Variants in CR1L observed in about 807,000 individuals in gnomAD.
CR1L encodes complement C3b/C4b receptor 1 like.
In CR1L, 59 loss-of-function variants were observed where a neutral mutation model predicts 62.3. The observed-to-expected ratio is 0.95, with a 90% CI of 0.77 to 1.18. The LOEUF (loss-of-function observed/expected upper bound fraction) is 1.18. CR1L is among the 50% of genes most tolerant of loss of function. The probability of loss-of-function intolerance (pLI) is 0.00; values close to 1 mark genes in which losing one functional copy is unlikely to be tolerated. For synonymous variants in CR1L, 279 were observed against 248.7 expected (o/e 1.12, Z -1.15); for missense variants, 700 against 702.8 (o/e 1.00, Z 0.04).
At chr1:207,683,746 C>A in intron 3 of CR1L, 126 bp from the exon 4 acceptor site, 1 of 846,378 alleles carries the variant, frequency 1.2e-6, no homozygotes, top group Non-Finnish European at 1.7e-6. Context: ...AGGTGATAGA[C>A]AATTCTTTGA....
rs139635918 is a variant in CR1L, at chr1:207,684,072, G to A, written c.463+115G>A. On this transcript the variant is annotated intron_variant, in intron 4 of 11. Transcript: ENST00000508064. ...GCAATCTGTACTTCACATGGCTGAA[G>A]ACAGCCATAATGTTCTCAGATATTC... 43 of 934,570 alleles carry A rather than the reference G, an allele frequency of 4.6e-5. No individual in the cohort carries two copies. The Admixed American group carries it at 9.9e-4, about 21-fold the overall frequency. 57.9% of individuals were successfully genotyped at this position (934,570 alleles called of 1,614,324 possible).
At chr1:207,710,540 A>T in intron 10 of CR1L, 5 of 1,609,404 alleles carry the variant, frequency 3.1e-6, no homozygotes, top group Non-Finnish European at 4.2e-6. Flanking sequence ...CATATACTGC[A>T]CCAGCAAAGA....
At chr1:207,683,515 A>G (rs572156852) in intron 3 of CR1L, among the ~76,000 whole-genome samples, 1 of 152,266 alleles carries the variant, frequency 6.6e-6, no homozygotes, top group African/African-American at 2.4e-5. Flanking sequence ...AATACATACA[A>G]CAGGACTACA....
Position 207,717,563 on chromosome 1 carries a change from AC to A in CR1L, c.1519del (p.His507ThrfsTer6), listed in dbSNP as rs1558027430. 3.1e-6 allele frequency: 5 copies of A among 1,613,750 alleles called. No homozygotes were observed. The highest frequency in any genetic ancestry group is 2.2e-5 in the East Asian group (1 of 44,888). Reference sequence around the variant, plus strand: ...GGAAAAGAAGTATCTTACACATGTGACCCCCACCCAGACAGAGGGATGACCT... The same window carrying A: ...GGAAAAGAAGTATCTTACACATGTGACCCCACCCAGACAGAGGGATGACCT... ...PYGKEVSYTC[D>X]PHPDRGMTFN... is the part of the protein sequence containing the mutation. On this transcript the variant is annotated frameshift_variant, in exon 11 of 12. Transcript: ENST00000508064. LOFTEE classifies it high-confidence loss of function.
chr1:207,717,793 T>C, intron 11 of CR1L, 102 bp downstream of exon 11: 1 of 1,410,492 alleles, frequency 7.1e-7, no homozygotes, highest in Non-Finnish European at 9.8e-7. Flanking sequence ...AAAATGGCTT[T>C]GCTGTAACTG....
At chr1:207,665,470 C>T (rs1663505033) in intron 1 of CR1L, among the ~76,000 whole-genome samples, 1 of 151,826 alleles carries the variant, frequency 6.6e-6, no homozygotes, top group Non-Finnish European at 1.5e-5. Flanking sequence ...GATCTCGGCT[C>T]ACTGCAACCT....
At chr1:207,697,971 GACAGACAC>G in intron 7 of CR1L, 98 bp downstream of exon 7, 2 of 1,480,990 alleles carry the variant, frequency 1.4e-6, no homozygotes, top group South Asian at 1.2e-5. Context: ...AAGACAGACA[GACAGACAC>G]ACACACACAC....
At chr1:207,699,105 G>A (rs1664153033) in intron 7 of CR1L, 84 bp from the exon 8 acceptor site, 4 of 1,584,530 alleles carry the variant, frequency 2.5e-6, no homozygotes, top group Non-Finnish European at 3.5e-6. Flanking sequence ...TCAAAATCCT[G>A]AAATTGGGGC....
At chr1:207,679,362 A>G (rs902302691) in intron 3 of CR1L, among the ~76,000 whole-genome samples, 1 of 151,856 alleles carries the variant, frequency 6.6e-6, no homozygotes, top group African/African-American at 2.4e-5. Flanking sequence ...CCACACTAAC[A>G]ACTTCATCTT....
At chr1:207,669,573 G>T in intron 1 of CR1L, 3 of 1,509,066 alleles carry the variant, frequency 2.0e-6, no homozygotes, top group Non-Finnish European at 2.7e-6. Context: ...GGGGTGAAAC[G>T]CTGGGGGGCG....
At chr1:207,721,356 C>T (rs572532444) in intron 11 of CR1L, among the ~76,000 whole-genome samples, 3 of 124,066 alleles carry the variant, frequency 2.4e-5, no homozygotes, top group Non-Finnish European at 4.9e-5. Flanking sequence ...CCCCACCCCA[C>T]CACAGTCCCC....
intron 10 of CR1L, among the ~76,000 whole-genome samples, chr1:207,709,803 C>G (rs537132055): frequency 6.8e-5 from 10 of 147,582 alleles, no homozygotes; most frequent in African/African-American, 1.8e-4. Context: ...TGATACTGCA[C>G]TCCAGCCTGG....
intron 11 of CR1L, among the ~76,000 whole-genome samples, chr1:207,718,046 T>A (rs1470303561): frequency 1.3e-5 from 2 of 152,232 alleles, no homozygotes; most frequent in African/African-American, 4.8e-5. Context: ...GTCTTTATCC[T>A]GGAGAGATGG....
intron 1 of CR1L, among the ~76,000 whole-genome samples, chr1:207,649,627 G>A (rs1663191830): frequency 6.6e-6 from 1 of 152,182 alleles, no homozygotes; most frequent in Non-Finnish European, 1.5e-5. Flanking sequence ...TAGTGGTTCA[G>A]CAGTGTGGCC....
intron 1 of CR1L, among the ~76,000 whole-genome samples, chr1:207,669,903 T>C (rs1215790736): frequency 6.6e-6 from 1 of 151,176 alleles, no homozygotes; most frequent in Non-Finnish European, 1.5e-5. Flanking sequence ...GAGCGTGGCG[T>C]CGATCCTAGC....
At chr1:207,664,730 T>C (rs1467606287) in intron 1 of CR1L, among the ~76,000 whole-genome samples, 1 of 152,142 alleles carries the variant, frequency 6.6e-6, no homozygotes, top group East Asian at 1.9e-4. Context: ...TGAGAAAAAG[T>C]TTATAAAAAA....
intron 10 of CR1L, 102 bp downstream of exon 10, chr1:207,708,365 C>T: frequency 7.0e-7 from 1 of 1,437,420 alleles, no homozygotes; most frequent in Non-Finnish European, 9.6e-7. Context: ...AAATGGTATC[C>T]TTCTGATATT....
chr1:207,700,090 A>C (rs1214696547), intron 8 of CR1L, among the ~76,000 whole-genome samples: 3 of 152,152 alleles, frequency 2.0e-5, no homozygotes, highest in African/African-American at 4.8e-5. Context: ...CTCCTAGTCT[A>C]CCCATTTATA....
chr1:207,675,472 G>C (rs950982344), intron 1 of CR1L, among the ~76,000 whole-genome samples: 4 of 152,138 alleles, frequency 2.6e-5, no homozygotes, highest in Admixed American at 1.3e-4. Context: ...TCACACAAAA[G>C]GAATGTCATA....
Sources: allele counts gnomAD v4.1 joint callset (sites outside exome capture counted in the v4.1 genomes callset), GRCh38; gene constraint gnomAD v4.1.1; transcripts MANE v1.5; gene names NCBI Gene and HGNC (gene_info 2026-07-23, HGNC 2026-07-21).